UBE2E2: variants seen among roughly 807,000 people sequenced by gnomAD.
UBE2E2 encodes the protein ubiquitin-conjugating enzyme E2 E2.
A neutral mutation model predicts 24.7 loss-of-function variants in UBE2E2; 6 were observed. The ratio of observed to expected loss-of-function variants is 0.24; its 90% CI spans 0.13 to 0.48. The LOEUF is 0.48. Ranked by LOEUF, UBE2E2 falls within the 20% of genes least tolerant of loss-of-function variation. The pLI, the probability that UBE2E2 is intolerant of heterozygous loss-of-function variation, is 0.99. For synonymous variants in UBE2E2, 104 were observed against 83.6 expected (o/e 1.24, Z -1.33); for missense variants, 169 against 245.0 (o/e 0.69, Z 2.07).
chr3:23,343,411 A>G (rs1575573588), intron 3 of UBE2E2, among the ~76,000 whole-genome samples: 1 of 152,056 alleles, frequency 6.6e-6, no homozygotes, highest in Non-Finnish European at 1.5e-5. Context: ...CCACATCTCT[A>G]TTAAAAATAC....
chr3:23,441,517 C>T (rs1024159072), intron 3 of UBE2E2, among the ~76,000 whole-genome samples: 13 of 127,224 alleles, frequency 1.0e-4, no homozygotes, highest in African/African-American at 3.1e-4. Flanking sequence ...CCAGCCTGGG[C>T]GACAAAGCGA....
At chr3:23,515,082 C>G (rs1237655883) in intron 4 of UBE2E2, among the ~76,000 whole-genome samples, 3 of 151,616 alleles carry the variant, frequency 2.0e-5, no homozygotes, top group Non-Finnish European at 4.4e-5. Context: ...TTTTCTGAAG[C>G]TTACTCTCAA....
chr3:23,242,772 T>C (rs1697290592), intron 3 of UBE2E2, among the ~76,000 whole-genome samples: 1 of 152,178 alleles, frequency 6.6e-6, no homozygotes, highest in African/African-American at 2.4e-5. Context: ...TCTTATAACA[T>C]GCCATAATTG....
chr3:23,437,958 C>T (rs914991164), intron 3 of UBE2E2, among the ~76,000 whole-genome samples: 3 of 152,132 alleles, frequency 2.0e-5, no homozygotes, highest in African/African-American at 4.8e-5. Flanking sequence ...AGCACAGTGA[C>T]TACAAAGATC....
chr3:23,216,473 A>G (rs527581798), intron 2 of UBE2E2, among the ~76,000 whole-genome samples: 1 of 152,278 alleles, frequency 6.6e-6, no homozygotes, highest in South Asian at 2.1e-4. Context: ...AACCAAGGCA[A>G]AGGAGAAGAA....
chr3:23,318,379 T>C (rs1694642721), intron 3 of UBE2E2, among the ~76,000 whole-genome samples: 1 of 152,234 alleles, frequency 6.6e-6, no homozygotes, highest in African/African-American at 2.4e-5. Flanking sequence ...CTAAAGTTGC[T>C]ATTTAATCAA....
chr3:23,590,786 C>A lies in UBE2E2; in HGVS notation c.*955C>A, dbSNP rs1696742887. The stretch of plus-strand genomic sequence containing the variant: ...TATGGTTGTTATAGTAAATTGCTAT[C>A]ATTTTACATATTGACTGGGCATTCT... On this transcript the variant is annotated 3_prime_UTR_variant, in exon 6 of 6. Transcript: ENST00000396703. 1 of 152,208 alleles carries A rather than the reference C, an allele frequency of 6.6e-6. No individual in the cohort carries two copies. Among genetic ancestry groups the A allele is most frequent in the African/African-American group, 2.4e-5 (1 of 41,446 alleles). The allele number at this position is 152,208 out of a possible 1,614,324, so 9.4% of individuals were successfully genotyped here. A position where few individuals can be genotyped will look rare whatever the true frequency, so the allele number is the denominator to read the frequency against.
intron 3 of UBE2E2, among the ~76,000 whole-genome samples, chr3:23,456,755 G>A (rs1698688770): frequency 6.6e-6 from 1 of 152,180 alleles, no homozygotes; most frequent in Admixed American, 6.5e-5. Context: ...AATTATTTAA[G>A]GCCCTAGGAT....
rs548283515 is a variant in UBE2E2 at position 23,461,316 on chromosome 3, C to T, written c.228-38292C>T. On this transcript the variant is annotated intron_variant, in intron 3 of 5. Coordinates refer to ENST00000396703, the MANE Select transcript of UBE2E2 (RefSeq NM_152653.4). ...TGGTGCTCCATCTTGCCACCGTTAG[C>T]CAAGCTCTTGCCTCAAGTTTGCTAG... Among the ~76,000 whole-genome samples, 8 of 152,130 alleles carry T rather than the reference C, an allele frequency of 5.3e-5. No homozygotes were observed. The South Asian group carries it at 1.5e-3, about 28-fold the overall frequency.
At chr3:23,259,532 T>G (rs185666768) in intron 3 of UBE2E2, among the ~76,000 whole-genome samples, 1 of 151,794 alleles carries the variant, frequency 6.6e-6, no homozygotes, top group East Asian at 1.9e-4. Flanking sequence ...CATATACCTG[T>G]GTAACAAACC....
chr3:23,417,077 C>T (rs1697656886), intron 3 of UBE2E2, among the ~76,000 whole-genome samples: 1 of 152,138 alleles, frequency 6.6e-6, no homozygotes, highest in Non-Finnish European at 1.5e-5. Flanking sequence ...ATTCTCCGTC[C>T]AGTTTTGTTC....
chr3:23,538,075 A>G (rs1695306737), intron 5 of UBE2E2, among the ~76,000 whole-genome samples: 1 of 152,104 alleles, frequency 6.6e-6, no homozygotes, highest in Non-Finnish European at 1.5e-5. Flanking sequence ...TGGTAAGTCT[A>G]CCTGTTTTCA....
At chr3:23,393,053 G>T (rs1696978368) in intron 3 of UBE2E2, among the ~76,000 whole-genome samples, 1 of 152,192 alleles carries the variant, frequency 6.6e-6, no homozygotes, top group African/African-American at 2.4e-5. Flanking sequence ...ATAAAAGCAA[G>T]AAAGTGACAC....
At chr3:23,430,732 G>A (rs1698041584) in intron 3 of UBE2E2, among the ~76,000 whole-genome samples, 1 of 151,964 alleles carries the variant, frequency 6.6e-6, no homozygotes, top group Non-Finnish European at 1.5e-5. Flanking sequence ...TGTTGCCCAG[G>A]TTGGTCTTGA....
chr3:23,511,860 A>G (rs1995173), intron 4 of UBE2E2, among the ~76,000 whole-genome samples: 1 of 152,056 alleles, frequency 6.6e-6, no homozygotes, highest in Non-Finnish European at 1.5e-5. Flanking sequence ...ATATAAATTA[A>G]TTTTCTCACA....
intron 3 of UBE2E2, among the ~76,000 whole-genome samples, chr3:23,335,507 A>G (rs1695180310): frequency 6.6e-6 from 1 of 152,156 alleles, no homozygotes; most frequent in Admixed American, 6.6e-5. Flanking sequence ...AATTTTATGC[A>G]GTGTAATTAC....
At chr3:23,370,343 T>G (rs1696371405) in intron 3 of UBE2E2, among the ~76,000 whole-genome samples, 1 of 152,204 alleles carries the variant, frequency 6.6e-6, no homozygotes, top group Non-Finnish European at 1.5e-5. Flanking sequence ...ATTCACTAGG[T>G]GGCTAGCATC....
At chr3:23,467,295 G>T (rs1698940438) in intron 3 of UBE2E2, among the ~76,000 whole-genome samples, 1 of 152,164 alleles carries the variant, frequency 6.6e-6, no homozygotes, top group Admixed American at 6.5e-5. Context: ...TTGTGGTTGT[G>T]TTTGAAAACA....
In UBE2E2 at chr3:23,300,465, T is replaced by G. The variant is rs1438398419; in HGVS notation, c.227+83153T>G. On this transcript the variant is annotated intron_variant, in intron 3 of 5. Transcript: ENST00000396703. ...TTTAGTGCTTCCTTCAGGAGCTCTT[T>G]TAGGGCAGGCCTGGTGGTGACAAAA... 1.1e-4 allele frequency among the ~76,000 whole-genome samples: 17 copies of G among 152,298 alleles called. No individual in the cohort carries two copies. In the South Asian group the frequency reaches 3.5e-3, roughly 32 times the overall value.
Sources: allele counts gnomAD v4.1 joint callset (sites outside exome capture counted in the v4.1 genomes callset), GRCh38; gene constraint gnomAD v4.1.1; transcripts MANE v1.5; gene names NCBI Gene and HGNC (gene_info 2026-07-23, HGNC 2026-07-21).